RMDN2: variants seen among roughly 807,000 people sequenced by gnomAD.
RMDN2 encodes the protein regulator of microtubule dynamics protein 2.
RMDN2 carries 61 observed loss-of-function variants against 52.8 expected under a neutral mutation model. The ratio of observed to expected loss-of-function variants is 1.16; its 90% CI spans 0.94 to 1.43. The LOEUF is 1.43. Among genes scored for constraint, RMDN2 ranks in the 40% most tolerant of loss-of-function variants. RMDN2 has a pLI of 0.00. For missense variants in RMDN2, 592 were observed against 475.3 expected, an observed-to-expected ratio of 1.25 and a Z score of -2.28; for synonymous variants, 180 against 153.1, an observed-to-expected ratio of 1.18 and a Z score of -1.30.
chr2:37,940,577 A>G (rs948069508), intron 2 of RMDN2, among the ~76,000 whole-genome samples: 1 of 152,028 alleles, frequency 6.6e-6, no homozygotes, highest in Non-Finnish European at 1.5e-5. Flanking sequence ...GTCTTTGTTC[A>G]TTCCTTTTCA....
At chr2:37,932,235 G>T (rs967577309) in intron 2 of RMDN2, among the ~76,000 whole-genome samples, 30 of 149,366 alleles carry the variant, frequency 2.0e-4, no homozygotes, top group African/African-American at 6.9e-4. Context: ...GTGTCCCTGG[G>T]TACTTGAGAT....
chr2:38,004,242 G>C, intron 10 of RMDN2, 26 bp downstream of exon 10: 2 of 1,521,138 alleles, frequency 1.3e-6, no homozygotes, highest in Non-Finnish European at 1.8e-6. Flanking sequence ...GACAGTGAGT[G>C]CTGTTGTCTT....
intron 2 of RMDN2, among the ~76,000 whole-genome samples, chr2:37,963,938 C>T (rs7590746): frequency 0.41 from 60,701 of 148,806 alleles, 13,612 homozygotes; most frequent in East Asian, 0.79. Flanking sequence ...GGCGGCCAGG[C>T]GGAGGTGCCC....
intron 8 of RMDN2, among the ~76,000 whole-genome samples, chr2:38,000,082 T>C (rs973859754): frequency 6.6e-6 from 1 of 152,246 alleles, no homozygotes; most frequent in African/African-American, 2.4e-5. Context: ...TTTGCTATTA[T>C]AGCAGGGGAA....
chr2:38,022,209 C>T (rs17021862), downstream of RMDN2, among the ~76,000 whole-genome samples: 5 of 152,072 alleles, frequency 3.3e-5, no homozygotes, highest in African/African-American at 2.4e-5. Flanking sequence ...AATGAGGCCA[C>T]GTAAAAATGG....
chr2:38,008,337 G>A (rs1027700029), intron 10 of RMDN2, among the ~76,000 whole-genome samples: 12 of 152,154 alleles, frequency 7.9e-5, no homozygotes, highest in African/African-American at 2.9e-4. Context: ...CTGTGTGGGA[G>A]TCTAAGTCTT....
intron 10 of RMDN2, among the ~76,000 whole-genome samples, chr2:38,064,652 C>T (rs1054716320): frequency 7.9e-5 from 12 of 152,090 alleles, no homozygotes; most frequent in Admixed American, 7.2e-4. Flanking sequence ...GATTCCATAA[C>T]AAAATTGTTG....
intron 10 of RMDN2, among the ~76,000 whole-genome samples, chr2:38,044,828 T>A (rs1021575336): frequency 1.3e-5 from 2 of 152,164 alleles, no homozygotes; most frequent in African/African-American, 4.8e-5. Flanking sequence ...GTGCTTTATA[T>A]AAATATTATG....
At chr2:37,946,512 A>T (rs1359043896) in intron 2 of RMDN2, among the ~76,000 whole-genome samples, 1 of 152,218 alleles carries the variant, frequency 6.6e-6, no homozygotes, top group Non-Finnish European at 1.5e-5. Context: ...TGCTTTGCAC[A>T]CTTTATCGTT....
chr2:38,020,748 C>T (rs760457973), downstream of RMDN2, among the ~76,000 whole-genome samples: 3 of 152,344 alleles, frequency 2.0e-5, no homozygotes, highest in Non-Finnish European at 2.9e-5. Context: ...TGCCTCCCGG[C>T]AGGGCAGGGC....
rs1411902079 is a variant in RMDN2, at chr2:37,974,122, T to G, written c.535T>G (p.Leu179Val). The stretch of plus-strand genomic sequence containing the variant: ...TAACACACGTGTAGAGGAATTAAAT[T>G]TAGATGTCCTTCTTCAGAAGGTAGA... The part of the protein sequence containing the change: ...AFNTRVEELN[L>V]DVLLQKVDHL... Residue 179 changes from leucine to valine, a missense_variant, in exon 3 of 11, where the codon TTA (leucine) becomes GTA (valine). Coordinates refer to ENST00000354545, the MANE Select transcript of RMDN2 (RefSeq NM_001170791.3). 1.9e-6 allele frequency: 3 copies of G among 1,613,020 alleles called. No homozygotes were observed. In the African/African-American group the frequency reaches 4.0e-5, roughly 22 times the overall value.
At chr2:38,000,300 C>G (rs1416726743) in intron 8 of RMDN2, among the ~76,000 whole-genome samples, 1 of 152,180 alleles carries the variant, frequency 6.6e-6, no homozygotes, top group Admixed American at 6.5e-5. Flanking sequence ...GCAGCCCAGG[C>G]CATGACCCAG....
intron 10 of RMDN2, among the ~76,000 whole-genome samples, chr2:38,031,211 G>C (rs1680174149): frequency 6.6e-6 from 1 of 150,854 alleles, no homozygotes; most frequent in African/African-American, 2.4e-5. Context: ...CATGATGTTG[G>C]CCATTTCTCC....
At chr2:37,927,600 G>T (rs549772906) in intron 1 of RMDN2, among the ~76,000 whole-genome samples, 46 of 152,230 alleles carry the variant, frequency 3.0e-4, no homozygotes, top group Non-Finnish European at 3.7e-4. Flanking sequence ...CAAGGTATGG[G>T]CAAAAGAAAG....
intron 10 of RMDN2, among the ~76,000 whole-genome samples, chr2:38,043,758 A>G (rs928516216): frequency 7.9e-5 from 12 of 152,088 alleles, no homozygotes; most frequent in African/African-American, 2.9e-4. Flanking sequence ...GGTAGCACAG[A>G]CATCTTTTAG....
chr2:37,965,033 A>G (rs1321272417), intron 2 of RMDN2, among the ~76,000 whole-genome samples: 1 of 152,116 alleles, frequency 6.6e-6, no homozygotes, highest in African/African-American at 2.4e-5. Context: ...TTTGTCTACT[A>G]GTATAGCCAC....
In RMDN2 at chr2:37,974,121, T is replaced by C; in HGVS notation, c.534T>C (p.Asn178=). 6.2e-7 allele frequency: 1 copy of C among 1,613,202 alleles called. No individual in the cohort carries two copies. Among genetic ancestry groups the C allele is most frequent in the Non-Finnish European group, 8.5e-7 (1 of 1,179,214 alleles). The change falls in exon 3 of 11, where the codon AAT becomes AAC. Residue 178 remains asparagine (N), a synonymous_variant. Coordinates refer to ENST00000354545, the MANE Select transcript of RMDN2 (RefSeq NM_001170791.3). ...TTAACACACGTGTAGAGGAATTAAA[T>C]TTAGATGTCCTTCTTCAGAAGGTAG... The part of the protein sequence containing the change: ...KAFNTRVEEL[N]LDVLLQKVDH...
intron 10 of RMDN2, among the ~76,000 whole-genome samples, chr2:38,025,838 G>A (rs756310764): frequency 6.6e-6 from 1 of 151,988 alleles, no homozygotes; most frequent in African/African-American, 2.4e-5. Flanking sequence ...TCTTTTTATT[G>A]TATCAGTGGG....
At chr2:37,977,384 C>T (rs1210829229) in intron 4 of RMDN2, among the ~76,000 whole-genome samples, 1 of 152,206 alleles carries the variant, frequency 6.6e-6, no homozygotes, top group African/African-American at 2.4e-5. Flanking sequence ...GGTGGCCGGG[C>T]AGAGGGGCTC....
Sources: allele counts gnomAD v4.1 joint callset (sites outside exome capture counted in the v4.1 genomes callset), GRCh38; gene constraint gnomAD v4.1.1; transcripts MANE v1.5; gene names NCBI Gene and HGNC (gene_info 2026-07-23, HGNC 2026-07-21).